The following DNAH1 variants were observed in gnomAD, a reference collection of about 807,000 sequenced individuals.
DNAH1 encodes dynein axonemal heavy chain 1.
DNAH1 carries 327 observed loss-of-function variants against 484.3 expected under a neutral mutation model. The ratio of observed to expected loss-of-function variants is 0.68; its 90% CI spans 0.62 to 0.74. DNAH1 has a LOEUF of 0.74. DNAH1 is among the 30% of genes least tolerant of loss of function. DNAH1 has a pLI of 0.00. For synonymous variants in DNAH1, 2,192 were observed against 2,191.9 expected, an observed-to-expected ratio of 1.00 and a Z score of 0.00; for missense variants, 5,052 against 5,546.8, an observed-to-expected ratio of 0.91 and a Z score of 2.83.
In DNAH1 at chr3:52,366,835, T is replaced by C; in HGVS notation, c.5713T>C (p.Ser1905Pro). 6.2e-7 allele frequency: 1 copy of C among 1,613,838 alleles called. No individual in the cohort carries two copies. The highest frequency in any genetic ancestry group is 1.1e-5 in the South Asian group (1 of 91,070). ...CAACTACTACGTGCTCAACCCCAAG[T>C]CCATCACGATGGGCCAGCTGTACGG... ...AVNYYVLNPK[S>P]ITMGQLYGEF... The change falls in exon 36 of 78, where the codon TCC becomes CCC. Residue 1905 changes from serine (S) to proline (P), a missense_variant. Ser to Pro is a moderately conservative substitution (Grantham distance 74). This residue lies in a region of DNAH1 where 2,929 missense variants were observed against 3,409.4 expected (regional missense o/e 0.86). Coordinates refer to ENST00000420323, the MANE Select transcript of DNAH1 (RefSeq NM_015512.5).
chr3:52,351,869 C>A, intron 16 of DNAH1, 93 bp from the exon 17 acceptor site: 1 of 1,456,132 alleles, frequency 6.9e-7, no homozygotes, highest in Non-Finnish European at 9.3e-7. Context: ...TCACTGGCTG[C>A]CTGGGTGCCT....
chr3:52,327,421 A>T (rs1377046757), intron 5 of DNAH1, among the ~76,000 whole-genome samples: 1 of 152,072 alleles, frequency 6.6e-6, no homozygotes, highest in Non-Finnish European at 1.5e-5. Flanking sequence ...TGGTCCCTGT[A>T]AGGAGGTAAA....
At chr3:52,369,063 C>A in intron 37 of DNAH1, 145 bp downstream of exon 37, 4 of 917,278 alleles carry the variant, frequency 4.4e-6, no homozygotes, top group Non-Finnish European at 4.9e-6. Flanking sequence ...TCAGCAAGAG[C>A]CCTCCTGCTA....
chr3:52,371,833 G>A, intron 41 of DNAH1, 113 bp from the exon 42 acceptor site: 1 of 1,488,172 alleles, frequency 6.7e-7, no homozygotes, highest in South Asian at 1.3e-5. Flanking sequence ...GGACCCGCTT[G>A]CCAAAGCCCA....
rs768906371 is a variant in DNAH1 at position 52,375,281 on chromosome 3, A to G, written c.7027A>G (p.Met2343Val). Residue 2343 changes from methionine to valine, a missense_variant, in exon 45 of 78, where the codon ATG becomes GTG. Coordinates refer to ENST00000420323, the MANE Select transcript of DNAH1 (RefSeq NM_015512.5). ...NLVDINFVCA[M>V]GPPGGGRNTV... ...AGTGGACATCAACTTTGTCTGTGCC[A>G]TGGGCCCCCCGGGTGGAGGCAGGAA... is the stretch of plus-strand genomic sequence containing the variant. The G allele has an allele frequency of 4.3e-6, 7 of 1,611,330 alleles. No individual in the cohort carries two copies. The highest frequency in any genetic ancestry group is 1.7e-5 in the Admixed American group (1 of 59,690).
Position 52,361,493 on chromosome 3 carries a change from G to T in DNAH1, c.4874+141G>T. 1 of 1,262,190 alleles carries T rather than the reference G, an allele frequency of 7.9e-7. No individual in the cohort carries two copies. 78.2% of individuals were successfully genotyped at this position (1,262,190 alleles called of 1,614,324 possible). ...AAGGGGGTAATAGGCATCACGGCTT[G>T]GTCCTGGGGGCATTGGGGTGGGGAG... is the stretch of plus-strand genomic sequence containing the variant. On this transcript the variant is annotated intron_variant, in intron 29 of 77. Coordinates refer to ENST00000420323, the MANE Select transcript of DNAH1 (RefSeq NM_015512.5). The surrounding 1 kb of genome is among the most constrained non-coding windows in gnomAD (Gnocchi z 5.6).
Position 52,331,133 on chromosome 3 carries a change from C to A in DNAH1, c.872-15C>A. 6.3e-7 allele frequency: 1 copy of A among 1,575,768 alleles called. No homozygotes were observed. The highest frequency in any genetic ancestry group is 8.6e-7 in the Non-Finnish European group (1 of 1,160,430). The stretch of plus-strand genomic sequence containing the variant: ...ATGGCGGGGGGCACTGGTGGAGTTT[C>A]TCCTCCTGTTTCAGAGGACCCCAAG... On this transcript the variant is annotated splice_polypyrimidine_tract_variant and intron_variant, in intron 6 of 77. Coordinates refer to ENST00000420323, the MANE Select transcript of DNAH1 (RefSeq NM_015512.5).
intron 34 of DNAH1, among the ~76,000 whole-genome samples, chr3:52,365,735 G>T (rs1413945684): frequency 2.0e-5 from 3 of 152,142 alleles, no homozygotes; most frequent in Non-Finnish European, 2.9e-5. Flanking sequence ...CGGGACCCTA[G>T]GCAGTTCCTG....
intron 45 of DNAH1, 149 bp downstream of exon 45, chr3:52,375,562 T>C (rs915623436): frequency 1.2e-6 from 1 of 858,000 alleles, no homozygotes; most frequent in Admixed American, 2.6e-5. Context: ...CTGTGTGATC[T>C]TTGGCAGCTC....
At position 52,397,045 on chromosome 3, in the gene DNAH1, G is replaced by C; in HGVS notation, c.11787+1G>C. 6.3e-7 allele frequency: 1 copy of C among 1,599,522 alleles called. No individual in the cohort carries two copies. The highest frequency in any genetic ancestry group is 8.5e-7 in the Non-Finnish European group (1 of 1,173,330). On this transcript the variant is annotated splice_donor_variant, in intron 73 of 77. Coordinates refer to ENST00000420323, the MANE Select transcript of DNAH1 (RefSeq NM_015512.5). LOFTEE classifies it high-confidence loss of function. ...GATCCCGCCTACCTACGACCTCCACGTGAGTCCAGCCCAAAGGGCTGCACA... is the reference window on the plus strand; with the variant it reads ...GATCCCGCCTACCTACGACCTCCACCTGAGTCCAGCCCAAAGGGCTGCACA...
rs1444841814 is a variant in DNAH1, at chr3:52,400,480, A to C, written c.*34A>C. ...AGAAGGGCTGGGGCCATTAAAGCTG[A>C]ATTTTCTAAGCAGTCCAGCTGTGCC... On this transcript the variant is annotated 3_prime_UTR_variant, in exon 78 of 78. Coordinates refer to ENST00000420323, the MANE Select transcript of DNAH1 (RefSeq NM_015512.5). 1 of 1,613,626 alleles carries C rather than the reference A, an allele frequency of 6.2e-7. No individual in the cohort carries two copies. Among genetic ancestry groups the C allele is most frequent in the South Asian group, 1.1e-5 (1 of 91,082 alleles).
rs372686964 is a variant in DNAH1, at chr3:52,396,469, C to T, written c.11361C>T (p.Arg3787=). ...CCAAGATGACCATTGAGCCGCCACG[C>T]GGTGTCAGGGCCAACCTGCTGAAGT... is the stretch of plus-strand genomic sequence containing the variant. The part of the protein sequence containing the change: ...NGSKMTIEPP[R]GVRANLLKSY... Residue 3787 remains arginine, a synonymous_variant, in exon 71 of 78, where the codon CGC becomes CGT. Coordinates refer to ENST00000420323, the MANE Select transcript of DNAH1 (RefSeq NM_015512.5). 52 of 1,602,666 alleles carry T rather than the reference C, an allele frequency of 3.2e-5. No homozygotes were observed. The highest frequency in any genetic ancestry group is 4.2e-5 in the Non-Finnish European group (49 of 1,174,904).
chr3:52,385,496 C>G (rs372688047), intron 54 of DNAH1, 49 bp downstream of exon 54: 6 of 1,485,264 alleles, frequency 4.0e-6, no homozygotes, highest in Non-Finnish European at 5.5e-6. Flanking sequence ...TGAGGAAGCT[C>G]GGCACCCCCA....
At position 52,350,126 on chromosome 3, in the gene DNAH1, G is replaced by T; in HGVS notation, c.2646+18G>T. 6.2e-7 allele frequency: 1 copy of T among 1,607,010 alleles called. No individual in the cohort carries two copies. Among genetic ancestry groups the T allele is most frequent in the Non-Finnish European group, 8.5e-7 (1 of 1,177,680 alleles). ...GCCTGGAGGTGAGGCAGGCACACGGGCACTGGGGCCAGGGAGGCACAGGGC... is the reference window on the plus strand; with the variant it reads ...GCCTGGAGGTGAGGCAGGCACACGGTCACTGGGGCCAGGGAGGCACAGGGC... On this transcript the variant is annotated intron_variant, in intron 15 of 77. Transcript: ENST00000420323.
Position 52,397,766 on chromosome 3 carries a change from G to A in DNAH1, c.11847G>A (p.Leu3949=), listed in dbSNP as rs1183452159. The change falls in exon 74 of 78, where the codon CTG becomes CTA. Residue 3949 remains leucine, a synonymous_variant. Coordinates refer to ENST00000420323, the MANE Select transcript of DNAH1 (RefSeq NM_015512.5). ...PLNDMPEIFG[L]HDNANITFAQ... Reference sequence around the variant, plus strand: ...ATGATATGCCTGAGATCTTTGGCCTGCATGACAATGCCAACATCACCTTTG... The same window carrying A: ...ATGATATGCCTGAGATCTTTGGCCTACATGACAATGCCAACATCACCTTTG... The A allele has an allele frequency of 1.9e-6, 3 of 1,613,828 alleles. No homozygotes were observed. The highest frequency in any genetic ancestry group is 2.5e-6 in the Non-Finnish European group (3 of 1,179,776).
At position 52,396,968 on chromosome 3, in the gene DNAH1, C is replaced by T; in HGVS notation, c.11711C>T (p.Pro3904Leu). ...AACATCTTGGAGGACTTCTACAACC[C>T]TGACGTGCTCTCCCCTGAGCACAGC... ...IMNILEDFYN[P>L]DVLSPEHSYS... is the part of the protein sequence containing the mutation. The change falls in exon 73 of 78, where the codon CCT (proline) becomes CTT (leucine). Residue 3904 changes from proline to leucine, a missense_variant. Around this residue, in one of 4 missense-constraint regions of DNAH1, gnomAD observed 853 missense variants for 899.0 expected, o/e 0.95. Transcript: ENST00000420323. 6.2e-7 allele frequency: 1 copy of T among 1,613,280 alleles called. No individual in the cohort carries two copies. The highest frequency in any genetic ancestry group is 8.5e-7 in the Non-Finnish European group (1 of 1,179,760).
chr3:52,392,507 C>T lies in DNAH1; in HGVS notation c.10096C>T (p.Arg3366Ter), dbSNP rs1201471880. The T allele has an allele frequency of 1.1e-5, 18 of 1,613,736 alleles. No homozygotes were observed. The highest frequency in any genetic ancestry group is 5.3e-5 in the African/African-American group (4 of 74,902). ...ACTGGGCCAGGTAGTGGCAGAGGAG[C>T]GACCCGACCTGGAGGAGGCCAAGAA... ...QLLGQVVAEERPDLEEAKNQL... is the reference protein window; with the variant it reads ...QLLGQVVAEE Residue 3366 changes from arginine to a stop codon, truncating the protein, a stop_gained, in exon 64 of 78, where the codon CGA (arginine) becomes TGA (stop). Coordinates refer to ENST00000420323, the MANE Select transcript of DNAH1 (RefSeq NM_015512.5). LOFTEE classifies it high-confidence loss of function.
chr3:52,375,310 C>G lies in DNAH1; in HGVS notation c.7056C>G (p.Thr2352=). The G allele has an allele frequency of 1.9e-6, 3 of 1,612,702 alleles. No individual in the cohort carries two copies. Among genetic ancestry groups the G allele is most frequent in the South Asian group, 1.1e-5 (1 of 90,648 alleles). Residue 2352 remains threonine (T), a synonymous_variant, in exon 45 of 78, where the codon ACC becomes ACG. Coordinates refer to ENST00000420323, the MANE Select transcript of DNAH1 (RefSeq NM_015512.5). Reference sequence around the variant, plus strand: ...GCCCCCCGGGTGGAGGCAGGAACACCGTCACCCCGCGGCTGATGCGTCACT... The same window carrying G: ...GCCCCCCGGGTGGAGGCAGGAACACGGTCACCCCGCGGCTGATGCGTCACT... ...AMGPPGGGRN[T]VTPRLMRHFN...
chr3:52,328,078 C>T lies in DNAH1; in HGVS notation c.871+64C>T, dbSNP rs1701416689. Reference sequence around the variant, plus strand: ...TCCAGTAGCAGCCCTGTCACAGACTCCTGGGCTCCCCTGGGACCTGGCAGC... The same window carrying T: ...TCCAGTAGCAGCCCTGTCACAGACTTCTGGGCTCCCCTGGGACCTGGCAGC... On this transcript the variant is annotated intron_variant, in intron 6 of 77. Transcript: ENST00000420323. 3 of 1,580,922 alleles carry T rather than the reference C, an allele frequency of 1.9e-6. No homozygotes were observed. In the African/African-American group the frequency reaches 4.0e-5, roughly 21 times the overall value.
Sources: gnomAD v4.1 joint callset for allele counts (sites outside exome capture counted in the v4.1 genomes callset) on GRCh38, gnomAD v4.1.1 for gene constraint, gnomAD v4.1.1 regional missense constraint, Gnocchi (gnomAD v3.1) non-coding constraint, MANE v1.5 for transcripts, NCBI Gene and HGNC (gene_info 2026-07-23, HGNC 2026-07-21) for gene names.